The following GRIP2 variants were observed in gnomAD, a reference collection of about 807,000 sequenced individuals.
GRIP2 encodes glutamate receptor-interacting protein 2.
A neutral mutation model predicts 108.3 loss-of-function variants in GRIP2; 58 were observed. The ratio of observed to expected loss-of-function variants is 0.54; its 90% confidence interval spans 0.43 to 0.67. The LOEUF (loss-of-function observed/expected upper bound fraction) is 0.67, where lower values mean the gene tolerates loss of function less well. Among genes scored for constraint, GRIP2 ranks in the 30% least tolerant of loss-of-function variants. GRIP2 has a pLI of 0.00. For missense variants in GRIP2, 1,278 were observed against 1,430.6 expected, an observed-to-expected ratio of 0.89 and a Z score of 1.72; for synonymous variants, 586 against 598.2, an observed-to-expected ratio of 0.98 and a Z score of 0.30.
At chr3:14,587,412 C>G in the GRIP2 span, among the ~76,000 whole-genome samples, 1 of 152,060 alleles carries the variant, frequency 6.6e-6, no homozygotes, top group African/African-American at 2.4e-5. Context: ...GTGTGGATCA[C>G]CTGAGGTCAG....
In GRIP2 at chr3:14,540,131, A is replaced by T. The variant is rs1030414596; in HGVS notation, c.40+138T>A. On this transcript the variant is annotated intron_variant, in intron 1 of 23. Transcript: ENST00000621039. The surrounding 1 kb of genome is among the most constrained non-coding windows in gnomAD (Gnocchi z 4.1). Reference sequence around the variant, plus strand: ...ACAGCCCCAGCAAGTGTCCTGCCCCACCCTCCCCAAGCCCTGGGTCTCCAG... The same window carrying T: ...ACAGCCCCAGCAAGTGTCCTGCCCCTCCCTCCCCAAGCCCTGGGTCTCCAG... 3.6e-6 allele frequency: 4 copies of T among 1,105,968 alleles called. No individual in the cohort carries two copies. The African/African-American group carries it at 4.7e-5, about 13-fold the overall frequency. The allele number at this position is 1,105,968 out of a possible 1,614,324, so 68.5% of individuals were successfully genotyped here.
Position 14,552,634 on chromosome 3 carries a change from CTTT to C in GRIP2, c.55+3263_55+3265del, listed in dbSNP as rs35588712. On this transcript the variant is annotated intron_variant, in intron 1 of 23. Transcript: ENST00000637182. The stretch of plus-strand genomic sequence containing the variant: ...TTCTTTTCTTTCTCTCTCTCTCTCT[CTTT>C]TTTTTTTTTTTTTGGCACAGTCTTG... Among the ~76,000 whole-genome samples, 45 of 129,206 alleles carry C rather than the reference CTTT, an allele frequency of 3.5e-4. 1 individual carries two copies. The highest frequency in any genetic ancestry group is 4.5e-4 in the Non-Finnish European group (26 of 58,218). The allele number at this position is 129,206 out of a possible 152,430, so 84.8% of individuals were successfully genotyped here. A position where few individuals can be genotyped will look rare whatever the true frequency, so the allele number is the denominator to read the frequency against.
chr3:14,507,773 G>A lies in GRIP2; in HGVS notation c.2079-73C>T. 1 of 1,537,998 alleles carries A rather than the reference G, an allele frequency of 6.5e-7. No homozygotes were observed. Among genetic ancestry groups the A allele is most frequent in the East Asian group, 2.3e-5 (1 of 43,664 alleles). The stretch of plus-strand genomic sequence containing the variant: ...CTCAGAGTGGCAGTCTGCCCTCAGG[G>A]AATCCAGGAGAGCCACAAAGCAGAA... On this transcript the variant is annotated intron_variant, in intron 17 of 23. Transcript: ENST00000621039. The surrounding 1 kb of genome is among the most constrained non-coding windows in gnomAD (Gnocchi z 4.6).
At chr3:14,583,067 A>T in the GRIP2 span, among the ~76,000 whole-genome samples, 2 of 152,234 alleles carry the variant, frequency 1.3e-5, no homozygotes, top group African/African-American at 4.8e-5. Context: ...GTGGCTGAGC[A>T]GGAGTGGAAC....
chr3:14,590,337 A>G, the GRIP2 span, among the ~76,000 whole-genome samples: 1 of 152,044 alleles, frequency 6.6e-6, no homozygotes, highest in Non-Finnish European at 1.5e-5. Context: ...TTTATCTGGG[A>G]TGTAGGTTGT....
chr3:14,573,737 C>T, the GRIP2 span: 1 of 1,471,086 alleles, frequency 6.8e-7, no homozygotes, highest in Non-Finnish European at 9.5e-7. Context: ...GGGGGTCCTC[C>T]CAAGAGGGCT....
At chr3:14,524,700 C>T (rs981127507) in intron 3 of GRIP2, among the ~76,000 whole-genome samples, 162 bp from the exon 4 acceptor site, 1 of 152,148 alleles carries the variant, frequency 6.6e-6, no homozygotes, top group Admixed American at 6.5e-5. Context: ...CAGGGTCACA[C>T]AGCACGTAAG....
chr3:14,561,731 T>C, the GRIP2 span, among the ~76,000 whole-genome samples: 1 of 152,232 alleles, frequency 6.6e-6, no homozygotes, highest in Non-Finnish European at 1.5e-5. Flanking sequence ...CAGCCTTTTC[T>C]TCCCCACGGG....
chr3:14,505,458 G>A lies in GRIP2; in HGVS notation c.2573+157C>T, dbSNP rs1050320499. 6.6e-6 allele frequency among the ~76,000 whole-genome samples: 1 copy of A among 152,154 alleles called. No homozygotes were observed. The highest frequency in any genetic ancestry group is 2.4e-5 in the African/African-American group (1 of 41,424). On this transcript the variant is annotated intron_variant, in intron 20 of 23. Transcript: ENST00000621039. This position sits in a 1 kb window ranked among gnomAD's most constrained non-coding sequence, Gnocchi z 4.2. ...CCCTTCCCTCCGTCTCAGCCTGGCT[G>A]AGGTGGCTCTGCTCAGTGCTTCTCT...
At chr3:14,579,114 C>T in the GRIP2 span, among the ~76,000 whole-genome samples, 3 of 152,166 alleles carry the variant, frequency 2.0e-5, no homozygotes, top group African/African-American at 7.2e-5. Flanking sequence ...TACATCCACT[C>T]CCCGGAAGAA....
rs953967001 is a variant in GRIP2 at position 14,522,116 on chromosome 3, A to C, written c.567-329T>G. On this transcript the variant is annotated intron_variant, in intron 6 of 23. Coordinates refer to ENST00000621039, the MANE Select transcript of GRIP2 (RefSeq NM_001080423.4). This position sits in a 1 kb window ranked among gnomAD's most constrained non-coding sequence, Gnocchi z 4.3. The stretch of plus-strand genomic sequence containing the variant: ...GGGTGCTCTTCAAGCGTCACCCCCA[A>C]CTCCTGCCTCAGGGACAAAGGACAG... 2 of 265,236 alleles carry C rather than the reference A, an allele frequency of 7.5e-6. No individual in the cohort carries two copies. Among genetic ancestry groups the C allele is most frequent in the Middle Eastern group, 1.1e-3 (1 of 944 alleles). The allele number at this position is 265,236 out of a possible 1,614,324, so 16.4% of individuals were successfully genotyped here.
the GRIP2 span, chr3:14,573,863 G>C: frequency 7.5e-7 from 1 of 1,340,086 alleles, no homozygotes; most frequent in Non-Finnish European, 1.1e-6. Context: ...GCATGGGCGA[G>C]CACTCCTCCT....
chr3:14,554,525 G>C (rs9832997), intron 1 of GRIP2, among the ~76,000 whole-genome samples: 39,135 of 151,868 alleles, frequency 0.26, 5,355 homozygotes, highest in South Asian at 0.41. Context: ...GCCTGTTCCT[G>C]ATGTTCTCCA....
At chr3:14,556,180 A>G (rs2124986895), upstream of GRIP2, 3 of 392,192 alleles carry the variant, frequency 7.6e-6, no homozygotes, top group Admixed American at 1.3e-4. Context: ...GGGCCTGGGG[A>G]GTGCAGTGCC....
the GRIP2 span, among the ~76,000 whole-genome samples, chr3:14,569,865 G>A: frequency 1.3e-5 from 2 of 152,206 alleles, no homozygotes; most frequent in South Asian, 4.1e-4. Flanking sequence ...GTTTGTGGCA[G>A]AGGCAGAAGT....
chr3:14,553,806 G>A (rs909204571), intron 1 of GRIP2, among the ~76,000 whole-genome samples: 1 of 152,154 alleles, frequency 6.6e-6, no homozygotes, highest in African/African-American at 2.4e-5. Flanking sequence ...TCTTCTCCTT[G>A]AGGTTTCATT....
chr3:14,574,168 C>T, the GRIP2 span: 7 of 900,882 alleles, frequency 7.8e-6, no homozygotes, highest in Non-Finnish European at 1.3e-5. Context: ...AGAATGGTGA[C>T]GAGCAAGTGC....
At chr3:14,506,241 C>T (rs1293513550) in intron 19 of GRIP2, among the ~76,000 whole-genome samples, 1 of 152,188 alleles carries the variant, frequency 6.6e-6, no homozygotes, top group East Asian at 1.9e-4. Context: ...CCTACCCAGT[C>T]CTCTGAGTTG....
In GRIP2 at chr3:14,505,686, G is replaced by C. The variant is rs748562478; in HGVS notation, c.2502C>G (p.Ser834Arg). ...TCTCGTCAGCTGGGGTTGGGGTATA[G>C]CTCGTCCTCCGGGGCTCGGTGGGTG... ...SPPPTEPRRT[S>R]YTPTPADESF... The change falls in exon 20 of 24, where the codon AGC (serine) becomes AGG (arginine). Residue 834 changes from serine (S) to arginine (R), a missense_variant. By Grantham distance (110) the Ser-to-Arg change is moderately radical (BLOSUM62 -1). Transcript: ENST00000621039. This position sits in a 1 kb window ranked among gnomAD's most constrained non-coding sequence, Gnocchi z 4.2. 2.9e-5 allele frequency: 46 copies of C among 1,604,800 alleles called. No individual in the cohort carries two copies. The highest frequency in any genetic ancestry group is 3.9e-5 in the Non-Finnish European group (46 of 1,175,758).
Sources: gnomAD v4.1 joint callset for allele counts (sites outside exome capture counted in the v4.1 genomes callset) on GRCh38, gnomAD v4.1.1 for gene constraint, Gnocchi (gnomAD v3.1) non-coding constraint, MANE v1.5 for transcripts, NCBI Gene and HGNC (gene_info 2026-07-23, HGNC 2026-07-21) for gene names.